The following DENND2B variants were observed in gnomAD, a reference collection of about 807,000 sequenced individuals.
DENND2B encodes DENN domain-containing protein 2B.
A neutral mutation model predicts 116.0 loss-of-function variants in DENND2B; 32 were observed. The ratio of observed to expected loss-of-function variants is 0.28; its 90% CI spans 0.21 to 0.37. The LOEUF (loss-of-function observed/expected upper bound fraction) is 0.37. Ranked by LOEUF, DENND2B falls within the 10% of genes least tolerant of loss-of-function variation. The pLI is 1.00. For synonymous variants in DENND2B, 588 were observed against 583.9 expected (o/e 1.01, Z -0.10); for missense variants, 1,276 against 1,477.7 (o/e 0.86, Z 2.24).
At chr11:8,881,021 C>T (rs1241369817) in exon 2 of DENND2B, 1 of 152,172 alleles carries the variant, frequency 6.6e-6, no homozygotes, top group Non-Finnish European at 1.5e-5. Context: ...CATGTTGAAT[C>T]TCCTGTTTCC....
chr11:8,789,007 A>G lies in DENND2B; in HGVS notation c.-26+21510T>C, dbSNP rs573961966. Among the ~76,000 whole-genome samples the G allele has an allele frequency of 2.6e-5, 4 of 152,318 alleles. No homozygotes were observed. The East Asian group carries it at 7.7e-4, about 29-fold the overall frequency. On this transcript the variant is annotated intron_variant, in intron 1 of 19. Transcript: ENST00000313726. ...CTCTTTCCACTGTACCTACCTAAAA[A>G]GCTCTAACTATGGTATTCTCCATTC... is the stretch of plus-strand genomic sequence containing the variant.
chr11:8,792,249 C>T (rs1166183429), intron 1 of DENND2B, among the ~76,000 whole-genome samples: 1 of 152,022 alleles, frequency 6.6e-6, no homozygotes, highest in African/African-American at 2.4e-5. Flanking sequence ...CTACTTCTCT[C>T]CTTACAGCAA....
intron 1 of DENND2B, among the ~76,000 whole-genome samples, chr11:8,900,771 A>G (rs2064157277): frequency 6.6e-6 from 1 of 151,952 alleles, no homozygotes; most frequent in South Asian, 2.1e-4. Context: ...GTTCAAGACC[A>G]GCATGGCCAA....
At position 8,745,949 on chromosome 11, in the gene DENND2B, C is replaced by T. The variant is rs547826854; in HGVS notation, c.80+4672G>A. Among the ~76,000 whole-genome samples, 7 of 152,336 alleles carry T rather than the reference C, an allele frequency of 4.6e-5. No homozygotes were observed. In the East Asian group the frequency reaches 1.2e-3, roughly 25 times the overall value. The stretch of plus-strand genomic sequence containing the variant: ...AAGGAACAGACACAAGCTTTCCTTG[C>T]TGAGCCCTACCCAAATTGCAATTGG... On this transcript the variant is annotated intron_variant, in intron 2 of 19. Transcript: ENST00000313726.
chr11:8,813,546 G>T (rs2061466003), upstream of DENND2B, among the ~76,000 whole-genome samples: 1 of 152,070 alleles, frequency 6.6e-6, no homozygotes, highest in South Asian at 2.1e-4. Context: ...AGAAAGAAGG[G>T]GTGATCCCAC....
chr11:8,743,568 T>C (rs2050650213), intron 2 of DENND2B, among the ~76,000 whole-genome samples: 1 of 151,906 alleles, frequency 6.6e-6, no homozygotes, highest in Admixed American at 6.6e-5. Flanking sequence ...AAATTTTTTT[T>C]TTAAATTACT....
intron 1 of DENND2B, among the ~76,000 whole-genome samples, chr11:8,889,518 C>T (rs1216758912): frequency 1.3e-5 from 2 of 151,974 alleles, no homozygotes; most frequent in African/African-American, 4.8e-5. Context: ...ACAGACAGCA[C>T]CTGGAAAATC....
At chr11:8,708,772 A>G (rs575324162) in intron 11 of DENND2B, among the ~76,000 whole-genome samples, 211 of 152,142 alleles carry the variant, frequency 1.4e-3, no homozygotes, top group African/African-American at 4.9e-3. Context: ...ACCAACATGG[A>G]GAAACCCCAT....
intron 4 of DENND2B, among the ~76,000 whole-genome samples, chr11:8,827,385 C>T (rs1220173854): frequency 2.0e-5 from 3 of 152,204 alleles, no homozygotes; most frequent in East Asian, 1.9e-4. Flanking sequence ...ATCTCAAACC[C>T]GAGCAGATAA....
intron 2 of DENND2B, among the ~76,000 whole-genome samples, chr11:8,736,900 T>G (rs1327018273): frequency 6.6e-6 from 1 of 152,184 alleles, no homozygotes; most frequent in Non-Finnish European, 1.5e-5. Context: ...AGTGACAGAA[T>G]CTGACTTCAC....
At chr11:8,754,665 C>T (rs1473479448) in intron 1 of DENND2B, among the ~76,000 whole-genome samples, 1 of 152,202 alleles carries the variant, frequency 6.6e-6, no homozygotes, top group Non-Finnish European at 1.5e-5. Flanking sequence ...AAAAGTGGAA[C>T]TAACCCAAAT....
At chr11:8,811,607 C>G (rs1322602859), upstream of DENND2B, 2 of 352,676 alleles carry the variant, frequency 5.7e-6, no homozygotes, top group Admixed American at 9.4e-5. Flanking sequence ...CCTCTCCCCC[C>G]TACCCAGCAT....
At chr11:8,810,039 C>T (rs1054537831) in intron 1 of DENND2B, 95 of 130,090 alleles carry the variant, frequency 7.3e-4, no homozygotes, top group African/African-American at 2.2e-3. Flanking sequence ...CCTGGCTGAG[C>T]TTAATTAGCC....
chr11:8,852,620 A>G (rs2568053), intron 3 of DENND2B, among the ~76,000 whole-genome samples: 152,005 of 152,356 alleles, frequency 1, 75,829 homozygotes, highest in Non-Finnish European at 1. Flanking sequence ...TCGGAGTGGT[A>G]GTTATAACAA....
At chr11:8,899,237 A>G (rs1462326532) in intron 1 of DENND2B, among the ~76,000 whole-genome samples, 1 of 152,108 alleles carries the variant, frequency 6.6e-6, no homozygotes, top group African/African-American at 2.4e-5. Context: ...AAACATACTA[A>G]CATATGTATA....
intron 4 of DENND2B, among the ~76,000 whole-genome samples, chr11:8,829,580 T>C (rs1490947230): frequency 6.6e-6 from 1 of 152,206 alleles, no homozygotes; most frequent in Non-Finnish European, 1.5e-5. Flanking sequence ...ACCATTGATA[T>C]GGTCTGAATG....
intron 2 of DENND2B, among the ~76,000 whole-genome samples, chr11:8,735,955 G>A (rs925868250): frequency 2.0e-5 from 3 of 152,182 alleles, no homozygotes; most frequent in Non-Finnish European, 4.4e-5. Context: ...ACTGAGACTC[G>A]GAGGGAAAGT....
intron 2 of DENND2B, among the ~76,000 whole-genome samples, chr11:8,740,506 T>C (rs1258839526): frequency 6.6e-6 from 1 of 152,154 alleles, no homozygotes; most frequent in Non-Finnish European, 1.5e-5. Context: ...TGCTCTGCTT[T>C]TTCTGGTTAT....
intron 14 of DENND2B, among the ~76,000 whole-genome samples, chr11:8,701,775 C>T (rs898460671): frequency 2.6e-5 from 4 of 152,154 alleles, no homozygotes; most frequent in Non-Finnish European, 5.9e-5. Context: ...AACTGCCTCA[C>T]GTCCAGTGAC....
Sources: gnomAD v4.1 joint callset for allele counts (sites outside exome capture counted in the v4.1 genomes callset) on GRCh38, gnomAD v4.1.1 for gene constraint, MANE v1.5 for transcripts, NCBI Gene and HGNC (gene_info 2026-07-23, HGNC 2026-07-21) for gene names.